Variants in BICD1 observed in about 807,000 individuals in gnomAD.
BICD1 encodes BICD cargo adaptor 1.
In BICD1, 35 loss-of-function variants were observed where a neutral mutation model predicts 92.5. The ratio of observed to expected loss-of-function variants is 0.38; its 90% confidence interval spans 0.29 to 0.50. The LOEUF is 0.50. Among genes scored for constraint, BICD1 ranks in the 20% least tolerant of loss-of-function variants. BICD1 has a pLI of 0.93. For missense variants in BICD1, 950 were observed against 1,189.8 expected (o/e 0.80, Z 2.97); for synonymous variants, 429 against 465.1 (o/e 0.92, Z 1.00).
intron 8 of BICD1, among the ~76,000 whole-genome samples, chr12:32,342,028 T>C (rs959462755): frequency 2.0e-5 from 3 of 151,268 alleles, no homozygotes; most frequent in African/African-American, 7.3e-5. Flanking sequence ...CATTATAAAA[T>C]TTGCTAGCTA....
intron 1 of BICD1, among the ~76,000 whole-genome samples, chr12:32,213,711 T>C (rs1363736562): frequency 6.6e-6 from 1 of 152,160 alleles, no homozygotes; most frequent in Non-Finnish European, 1.5e-5. Flanking sequence ...CAGTGTATTA[T>C]ATGAGAGGGT....
At chr12:32,306,247 T>G in intron 4 of BICD1, 125 bp downstream of exon 4, 1 of 1,064,228 alleles carries the variant, frequency 9.4e-7, no homozygotes, top group East Asian at 2.6e-5. Flanking sequence ...TTCTCTTTTC[T>G]TTTCTGTTCT....
intron 1 of BICD1, among the ~76,000 whole-genome samples, chr12:32,212,157 T>C (rs1945234498): frequency 6.6e-6 from 1 of 152,242 alleles, no homozygotes; most frequent in South Asian, 2.1e-4. Context: ...TTGATTTTGA[T>C]CCGTGTCAAG....
chr12:32,190,125 A>G (rs559732764), intron 1 of BICD1, among the ~76,000 whole-genome samples: 1 of 152,364 alleles, frequency 6.6e-6, no homozygotes, highest in East Asian at 1.9e-4. Flanking sequence ...AGATAAAGAA[A>G]TGAATCAAAG....
chr12:32,115,386 G>GTTTT (rs149711623), intron 1 of BICD1, among the ~76,000 whole-genome samples: 28,739 of 96,578 alleles, frequency 0.3, 3,175 homozygotes, highest in Admixed American at 0.45. Context: ...TGGTGTTTTT[G>GTTTT]GTTTTTTTTT....
chr12:32,322,113 G>C (rs1948676051), intron 4 of BICD1, among the ~76,000 whole-genome samples: 1 of 152,032 alleles, frequency 6.6e-6, no homozygotes, highest in Non-Finnish European at 1.5e-5. Context: ...ATACAGTGTT[G>C]GAGTTTTACA....
chr12:32,357,104 C>T (rs565231632), intron 8 of BICD1, among the ~76,000 whole-genome samples: 5 of 151,908 alleles, frequency 3.3e-5, no homozygotes, highest in African/African-American at 9.7e-5. Context: ...CTCCACCCCC[C>T]GGGTTCAAGC....
intron 1 of BICD1, among the ~76,000 whole-genome samples, chr12:32,131,543 T>A (rs1196337320): frequency 1.3e-5 from 2 of 152,206 alleles, no homozygotes; most frequent in Non-Finnish European, 2.9e-5. Context: ...AGTTGCATGG[T>A]GATTTGGGAT....
chr12:32,266,224 G>C (rs962555735), intron 2 of BICD1, among the ~76,000 whole-genome samples: 1 of 152,148 alleles, frequency 6.6e-6, no homozygotes, highest in African/African-American at 2.4e-5. Context: ...AGGGGAACGG[G>C]AGTCATTTCA....
chr12:32,273,530 G>A (rs1416020913), intron 2 of BICD1, among the ~76,000 whole-genome samples: 3 of 152,106 alleles, frequency 2.0e-5, no homozygotes, highest in African/African-American at 7.2e-5. Flanking sequence ...AGATACAAGT[G>A]TACAGAAAAG....
chr12:32,290,316 A>G (rs897373163), intron 2 of BICD1, among the ~76,000 whole-genome samples: 3 of 152,224 alleles, frequency 2.0e-5, no homozygotes, highest in Non-Finnish European at 4.4e-5. Context: ...CAAGCTAGCC[A>G]GTGAGCTTTT....
At chr12:32,210,532 A>C (rs759230642) in intron 1 of BICD1, among the ~76,000 whole-genome samples, 1 of 152,240 alleles carries the variant, frequency 6.6e-6, no homozygotes, top group East Asian at 1.9e-4. Context: ...TCATGTAAGT[A>C]GAAGGAGAAA....
At chr12:32,332,544 C>T (rs1177662188) in intron 5 of BICD1, 2 of 717,412 alleles carry the variant, frequency 2.8e-6, no homozygotes, top group East Asian at 1.3e-4. Context: ...AGAAGACTAA[C>T]ACATGGTCCC....
intron 4 of BICD1, among the ~76,000 whole-genome samples, chr12:32,321,872 G>A (rs1237111186): frequency 1.3e-5 from 2 of 152,080 alleles, no homozygotes; most frequent in African/African-American, 4.8e-5. Context: ...AGTGGCAGAC[G>A]CCTGTAATCC....
chr12:32,370,621 A>G (rs1478079461), intron 9 of BICD1, among the ~76,000 whole-genome samples: 3 of 152,162 alleles, frequency 2.0e-5, no homozygotes. Context: ...CTTGGGTTGA[A>G]TTCCCACTTC....
At chr12:32,336,461 A>G (rs1281293644) in intron 6 of BICD1, among the ~76,000 whole-genome samples, 2 of 152,170 alleles carry the variant, frequency 1.3e-5, no homozygotes, top group Non-Finnish European at 2.9e-5. Context: ...TTGTTTTTTG[A>G]CAACTCATTG....
intron 3 of BICD1, among the ~76,000 whole-genome samples, chr12:32,304,366 A>C (rs1481763822): frequency 6.6e-6 from 1 of 152,240 alleles, no homozygotes; most frequent in African/African-American, 2.4e-5. Flanking sequence ...ATTAGCATCT[A>C]ATATCATGAT....
chr12:32,228,378 A>T (rs189985803), intron 2 of BICD1, among the ~76,000 whole-genome samples: 2 of 152,264 alleles, frequency 1.3e-5, no homozygotes, highest in Admixed American at 1.3e-4. Context: ...ATTCTGCTCT[A>T]TTGATCTGTG....
At chr12:32,364,460 C>T (rs1446678229) in intron 8 of BICD1, among the ~76,000 whole-genome samples, 1 of 152,192 alleles carries the variant, frequency 6.6e-6, no homozygotes, top group Non-Finnish European at 1.5e-5. Context: ...ATCCGTGGCT[C>T]AGCCAGGCTA....
Sources: gnomAD v4.1 joint callset for allele counts (sites outside exome capture counted in the v4.1 genomes callset) on GRCh38, gnomAD v4.1.1 for gene constraint, MANE v1.5 for transcripts, NCBI Gene and HGNC (gene_info 2026-07-23, HGNC 2026-07-21) for gene names.